MRPL1: variants seen among roughly 807,000 people sequenced by gnomAD.
MRPL1 encodes the protein large ribosomal subunit protein uL1m.
MRPL1 carries 28 observed loss-of-function variants against 38.0 expected under a neutral mutation model. That is an observed-to-expected ratio of 0.74 (90% CI 0.55 to 1.01). MRPL1 has a LOEUF of 1.01. Ranked by LOEUF, MRPL1 falls within the 50% of genes least tolerant of loss-of-function variation. The pLI is 0.00. For synonymous variants in MRPL1, 123 were observed against 126.7 expected, an observed-to-expected ratio of 0.97 and a Z score of 0.20; for missense variants, 358 against 389.8, an observed-to-expected ratio of 0.92 and a Z score of 0.69.
At chr4:77,870,902 T>G (rs1164183797) in intron 1 of MRPL1, among the ~76,000 whole-genome samples, 2 of 152,204 alleles carry the variant, frequency 1.3e-5, no homozygotes, top group Non-Finnish European at 2.9e-5. Context: ...CCTGTGTACC[T>G]TTTTCTTATT....
At chr4:77,924,539 C>T (rs953018274) in intron 7 of MRPL1, among the ~76,000 whole-genome samples, 5 of 152,110 alleles carry the variant, frequency 3.3e-5, no homozygotes, top group African/African-American at 7.2e-5. Context: ...CCTTGAGACC[C>T]CTTCTCACAA....
chr4:77,900,578 C>G (rs747769084), intron 6 of MRPL1, among the ~76,000 whole-genome samples: 25 of 152,230 alleles, frequency 1.6e-4, no homozygotes, highest in Non-Finnish European at 3.2e-4. Context: ...CAGTAGTGTT[C>G]AAGAAATTAT....
chr4:77,881,903 C>A (rs182246271), intron 2 of MRPL1, among the ~76,000 whole-genome samples: 1 of 152,248 alleles, frequency 6.6e-6, no homozygotes, highest in African/African-American at 2.4e-5. Context: ...TATATTGCAG[C>A]CAGAATACCT....
chr4:77,920,271 ATTCCT>A (rs776743682), intron 7 of MRPL1, among the ~76,000 whole-genome samples: 3 of 152,126 alleles, frequency 2.0e-5, no homozygotes, highest in East Asian at 1.9e-4. Context: ...TTTCAAAGTA[ATTCCT>A]TTCAAGTGTA....
intron 3 of MRPL1, among the ~76,000 whole-genome samples, 157 bp from the exon 4 acceptor site, chr4:77,885,099 C>A (rs6849145): frequency 0.48 from 73,210 of 151,498 alleles, 18,775 homozygotes; most frequent in Non-Finnish European, 0.57. Context: ...AATAGTAATT[C>A]ATGAATAGTA....
chr4:77,901,192 A>C (rs1344880181), intron 6 of MRPL1, among the ~76,000 whole-genome samples: 1 of 152,174 alleles, frequency 6.6e-6, no homozygotes. Flanking sequence ...TAACAGTATT[A>C]ATATGAAGTA....
At chr4:77,925,386 C>T (rs1395620252) in intron 7 of MRPL1, among the ~76,000 whole-genome samples, 1 of 149,282 alleles carries the variant, frequency 6.7e-6, no homozygotes, top group African/African-American at 2.5e-5. Context: ...TAGTCTCGCT[C>T]TGTCACCCAG....
intron 2 of MRPL1, among the ~76,000 whole-genome samples, chr4:77,880,410 A>T (rs1735511486): frequency 6.6e-6 from 1 of 151,192 alleles, no homozygotes; most frequent in Non-Finnish European, 1.5e-5. Flanking sequence ...ACTTTTAAGG[A>T]TGCATGTGAT....
At chr4:77,950,545 G>A (rs1430894675) in intron 8 of MRPL1, among the ~76,000 whole-genome samples, 1 of 152,184 alleles carries the variant, frequency 6.6e-6, no homozygotes, top group Non-Finnish European at 1.5e-5. Flanking sequence ...ACCATGATAA[G>A]AATTTGTCAG....
chr4:77,892,528 C>T (rs1379414217), intron 5 of MRPL1, among the ~76,000 whole-genome samples: 2 of 152,106 alleles, frequency 1.3e-5, no homozygotes, highest in Non-Finnish European at 2.9e-5. Flanking sequence ...TTTAAAGTAA[C>T]TTCATATTTT....
chr4:77,936,490 A>G (rs560831617), intron 7 of MRPL1, among the ~76,000 whole-genome samples: 8 of 152,346 alleles, frequency 5.3e-5, no homozygotes, highest in Admixed American at 4.6e-4. Flanking sequence ...ATTTCCTCAG[A>G]CATCCTTCAG....
At chr4:77,911,387 AATCACTAAGTAGTAG>A (rs1380642881) in intron 7 of MRPL1, among the ~76,000 whole-genome samples, 3 of 152,156 alleles carry the variant, frequency 2.0e-5, no homozygotes, top group Non-Finnish European at 2.9e-5. Context: ...CATAGGTCTT[AATCACTAAGTAGTAG>A]ATCACTAAGT....
chr4:77,876,055 C>T (rs921837386), intron 2 of MRPL1, among the ~76,000 whole-genome samples: 14 of 152,148 alleles, frequency 9.2e-5, no homozygotes, highest in African/African-American at 3.4e-4. Flanking sequence ...TCATTGTAGC[C>T]TCCACCTCCC....
At chr4:77,951,902 C>T (rs147282408) in intron 8 of MRPL1, among the ~76,000 whole-genome samples, 374 of 152,272 alleles carry the variant, frequency 2.5e-3, no homozygotes, top group Middle Eastern at 0.017. Context: ...GCTTTGGCCT[C>T]CCACAACCCT....
chr4:77,904,226 CA>C, intron 6 of MRPL1, among the ~76,000 whole-genome samples: 1 of 148,584 alleles, frequency 6.7e-6, no homozygotes, highest in African/African-American at 2.5e-5. Context: ...CAACCTGTGA[CA>C]AAGCAAGACT....
At chr4:77,897,117 A>T (rs1735934642) in intron 6 of MRPL1, among the ~76,000 whole-genome samples, 1 of 151,916 alleles carries the variant, frequency 6.6e-6, no homozygotes, top group Non-Finnish European at 1.5e-5. Flanking sequence ...CCCAGGCTGG[A>T]GTGCAGGGGT....
intron 6 of MRPL1, among the ~76,000 whole-genome samples, chr4:77,904,638 C>G (rs778291203): frequency 1.2e-4 from 18 of 152,014 alleles, no homozygotes; most frequent in Non-Finnish European, 2.4e-4. Flanking sequence ...TATCATAGAG[C>G]TACAGTAATC....
chr4:77,946,853 A>C (rs1038441994), intron 7 of MRPL1, among the ~76,000 whole-genome samples: 1 of 152,092 alleles, frequency 6.6e-6, no homozygotes, highest in African/African-American at 2.4e-5. Flanking sequence ...TAAATCAGAG[A>C]ATCTATGAAG....
At chr4:77,897,839 G>A (rs564555938) in intron 6 of MRPL1, among the ~76,000 whole-genome samples, 1 of 152,190 alleles carries the variant, frequency 6.6e-6, no homozygotes, top group Non-Finnish European at 1.5e-5. Context: ...GCAAGGTAAT[G>A]AATTTGAAAT....
Sources: allele counts gnomAD v4.1 joint callset (sites outside exome capture counted in the v4.1 genomes callset), GRCh38; gene constraint gnomAD v4.1.1; transcripts MANE v1.5; gene names NCBI Gene and HGNC (gene_info 2026-07-23, HGNC 2026-07-21).